Variants in PAQR5 observed in about 807,000 individuals in gnomAD.
PAQR5 encodes membrane progestin receptor gamma.
In PAQR5, 20 loss-of-function variants were observed where a neutral mutation model predicts 34.5. The ratio of observed to expected loss-of-function variants is 0.58; its 90% CI spans 0.41 to 0.84. PAQR5 has a LOEUF of 0.84. Among genes scored for constraint, PAQR5 ranks in the 40% least tolerant of loss-of-function variants. The pLI is 0.00. For missense variants in PAQR5, 378 were observed against 412.7 expected (o/e 0.92, Z 0.73); for synonymous variants, 131 against 155.6 (o/e 0.84, Z 1.18).
intron 2 of PAQR5, among the ~76,000 whole-genome samples, chr15:69,339,254 C>T (rs1567008118): frequency 6.6e-6 from 1 of 151,072 alleles, no homozygotes; most frequent in East Asian, 2.0e-4. Context: ...AATAAAACTC[C>T]GGTCTCCTGC....
At chr15:69,401,427 G>A (rs2056622808) in intron 8 of PAQR5, among the ~76,000 whole-genome samples, 1 of 152,174 alleles carries the variant, frequency 6.6e-6, no homozygotes, top group South Asian at 2.1e-4. Context: ...AAAATGCTTA[G>A]AGAACAGATT....
In PAQR5 at chr15:69,388,107, C is replaced by A. The variant is rs538811528; in HGVS notation, c.386-1547C>A. On this transcript the variant is annotated intron_variant, in intron 5 of 8. Coordinates refer to ENST00000395407, the MANE Select transcript of PAQR5 (RefSeq NM_017705.4). The stretch of plus-strand genomic sequence containing the variant: ...AGAGAGCCATTGATTCCATCTGGGA[C>A]TCCCGGCTCCACCCTCTGCCCCTGC... Among the ~76,000 whole-genome samples, 3 of 152,122 alleles carry A rather than the reference C, an allele frequency of 2.0e-5. No homozygotes were observed. In the South Asian group the frequency reaches 6.2e-4, roughly 32 times the overall value.
intron 1 of PAQR5, among the ~76,000 whole-genome samples, chr15:69,311,096 T>TAG (rs1313662663): frequency 2.8e-5 from 4 of 141,316 alleles, no homozygotes; most frequent in Non-Finnish European, 6.1e-5. Context: ...AGAGATTCAC[T>TAG]AGAGAGGGGA....
At position 69,308,918 on chromosome 15, in the gene PAQR5, G is replaced by A. The variant is rs184252391; in HGVS notation, c.-277+9862G>A. 3.4e-4 allele frequency among the ~76,000 whole-genome samples: 52 copies of A among 152,188 alleles called. 1 individual carries two copies. In the South Asian group the frequency reaches 5.0e-3, roughly 15 times the overall value. On this transcript the variant is annotated intron_variant, in intron 1 of 8. Transcript: ENST00000395407. The stretch of plus-strand genomic sequence containing the variant: ...TCAGATTCTAGGGATCTTCCAGAGG[G>A]AACACTCTAGGTTCTGATGACCGAA...
chr15:69,384,923 G>A (rs770020103), intron 5 of PAQR5, 41 bp downstream of exon 5: 28 of 1,509,490 alleles, frequency 1.9e-5, no homozygotes, highest in African/African-American at 5.5e-5. Context: ...CCCTGCAACC[G>A]GGCTGTTTGC....
intron 4 of PAQR5, among the ~76,000 whole-genome samples, chr15:69,383,422 C>G: frequency 7.1e-6 from 1 of 140,924 alleles, no homozygotes; most frequent in African/African-American, 2.8e-5. Context: ...GGTGAGTGGG[C>G]CCTCCGTGCT....
intron 1 of PAQR5, among the ~76,000 whole-genome samples, chr15:69,300,347 G>C (rs1191287147): frequency 6.6e-6 from 1 of 152,122 alleles, no homozygotes; most frequent in African/African-American, 2.4e-5. Context: ...CCTGGCACAC[G>C]GAAGGTGCTC....
chr15:69,338,474 T>A (rs1286028852), intron 2 of PAQR5, among the ~76,000 whole-genome samples: 1 of 152,210 alleles, frequency 6.6e-6, no homozygotes, highest in Middle Eastern at 3.2e-3. Context: ...AGAGCACTAA[T>A]GTTTTTCCCA....
At chr15:69,402,508 G>A (rs1057155087) in intron 8 of PAQR5, among the ~76,000 whole-genome samples, 1 of 151,776 alleles carries the variant, frequency 6.6e-6, no homozygotes, top group African/African-American at 2.4e-5. Context: ...AGTAGAGACG[G>A]GGTTTCATCA....
chr15:69,300,632 T>C (rs1470496559), intron 1 of PAQR5, among the ~76,000 whole-genome samples: 8 of 56,866 alleles, frequency 1.4e-4, no homozygotes, highest in East Asian at 4.8e-4. Context: ...TTTCTTTCTT[T>C]CTTTCTTTCT....
chr15:69,403,344 T>C (rs1445496267), intron 8 of PAQR5, among the ~76,000 whole-genome samples: 1 of 152,168 alleles, frequency 6.6e-6, no homozygotes, highest in Non-Finnish European at 1.5e-5. Flanking sequence ...TTAGAACATT[T>C]TCATCCCCTC....
intron 5 of PAQR5, among the ~76,000 whole-genome samples, chr15:69,387,705 C>G (rs902885777): frequency 3.9e-5 from 6 of 152,210 alleles, no homozygotes; most frequent in Admixed American, 2.0e-4. Flanking sequence ...TGTGGTCCAC[C>G]ACCAACCTGT....
chr15:69,308,428 C>T (rs1213375964), intron 1 of PAQR5, among the ~76,000 whole-genome samples: 1 of 152,192 alleles, frequency 6.6e-6, no homozygotes, highest in Non-Finnish European at 1.5e-5. Context: ...CAGGATTTCT[C>T]ACCTTGGCCC....
At chr15:69,334,613 G>A (rs1372320686) in intron 1 of PAQR5, among the ~76,000 whole-genome samples, 5 of 152,082 alleles carry the variant, frequency 3.3e-5, no homozygotes, top group African/African-American at 7.2e-5. Flanking sequence ...AATTAAAATC[G>A]CTTACTTACC....
intron 1 of PAQR5, among the ~76,000 whole-genome samples, chr15:69,299,785 T>G (rs1004486802): frequency 6.6e-6 from 1 of 152,108 alleles, no homozygotes; most frequent in African/African-American, 2.4e-5. Context: ...TCCTCCCGCT[T>G]AGGTTGGGAG....
chr15:69,301,939 A>G (rs988282473), intron 1 of PAQR5, among the ~76,000 whole-genome samples: 1 of 134,456 alleles, frequency 7.4e-6, no homozygotes, highest in Non-Finnish European at 1.5e-5. Flanking sequence ...GAAACTGGGC[A>G]GGGCCATGCG....
intron 7 of PAQR5, chr15:69,397,803 A>ATGTCTTCCTT (rs1555424108): frequency 1.1e-5 from 6 of 566,414 alleles, no homozygotes; most frequent in African/African-American, 5.6e-5. Context: ...GGAGTTTCTT[A>ATGTCTTCCTT]TGTCTTCCTT....
intron 2 of PAQR5, among the ~76,000 whole-genome samples, chr15:69,359,060 T>C (rs79868831): frequency 0.028 from 4,279 of 152,248 alleles, 126 homozygotes; most frequent in East Asian, 0.11. Flanking sequence ...TGCCAGCAGA[T>C]TCCCCGTCTG....
chr15:69,384,757 A>G lies in PAQR5; in HGVS notation c.260A>G (p.Tyr87Cys). 6.2e-7 allele frequency: 1 copy of G among 1,613,896 alleles called. No homozygotes were observed. Among genetic ancestry groups the G allele is most frequent in the East Asian group, 2.2e-5 (1 of 44,886 alleles). The stretch of plus-strand genomic sequence containing the variant: ...AGCTACTCCTGGCCCATGCTTGTGT[A>G]CATGTGCACCAGCTGCGTGTACCCA... ...NDSYSWPMLVYMCTSCVYPLV... is the reference protein window; with the variant it reads ...NDSYSWPMLVCMCTSCVYPLV... Residue 87 changes from tyrosine to cysteine, a missense_variant, in exon 5 of 9, where the codon TAC (tyrosine) becomes TGC (cysteine). Transcript: ENST00000395407.
Sources: allele counts gnomAD v4.1 joint callset (sites outside exome capture counted in the v4.1 genomes callset), GRCh38; gene constraint gnomAD v4.1.1; transcripts MANE v1.5; gene names NCBI Gene and HGNC (gene_info 2026-07-23, HGNC 2026-07-21).